Variants in SMYD3 observed in about 807,000 individuals in gnomAD.
SMYD3 encodes histone-lysine N-methyltransferase SMYD3.
Under a neutral mutation model 57.7 loss-of-function variants are expected in SMYD3, and 36 were observed. That is an observed-to-expected ratio of 0.62 (90% CI 0.48 to 0.82). The LOEUF (loss-of-function observed/expected upper bound fraction) is 0.82, where lower values mean the gene tolerates loss of function less well. Ranked by LOEUF, SMYD3 falls within the 40% of genes least tolerant of loss-of-function variation. The pLI is 0.00. For missense variants in SMYD3, 515 were observed against 538.8 expected, an observed-to-expected ratio of 0.96 and a Z score of 0.44; for synonymous variants, 211 against 195.0, an observed-to-expected ratio of 1.08 and a Z score of -0.68.
At chr1:245,772,059 C>A (rs764561645) in intron 10 of SMYD3, among the ~76,000 whole-genome samples, 4 of 152,126 alleles carry the variant, frequency 2.6e-5, no homozygotes, top group African/African-American at 9.7e-5. Context: ...AGATCAGGGC[C>A]GTGAATTCTT....
chr1:245,947,414 C>G (rs1341870529), intron 5 of SMYD3: 1 of 457,098 alleles, frequency 2.2e-6, no homozygotes, highest in African/African-American at 2.0e-5. Context: ...CCATATCCCC[C>G]CAAAACGAAC....
chr1:246,364,788 C>T (rs1444763784), intron 1 of SMYD3, among the ~76,000 whole-genome samples: 1 of 152,186 alleles, frequency 6.6e-6, no homozygotes, highest in Non-Finnish European at 1.5e-5. Flanking sequence ...ACTCCAGCAA[C>T]AAGCCAAACC....
rs28404737 is a variant in SMYD3, at chr1:245,775,733, A to T, written c.1077-11584T>A. On this transcript the variant is annotated intron_variant, in intron 10 of 11. Coordinates refer to ENST00000490107, the MANE Select transcript of SMYD3 (RefSeq NM_001167740.2). ...TAAATACTAAAAAAAAAAAAAAATA[A>T]AAAAAATAAATGGATAAATTGTAAG... 2.0e-4 allele frequency among the ~76,000 whole-genome samples: 13 copies of T among 65,844 alleles called. No homozygotes were observed. In the East Asian group the frequency reaches 0.019, roughly 94 times the overall value. 43.2% of individuals were successfully genotyped at this position (65,844 alleles called of 152,430 possible). A position where few individuals can be genotyped will look rare whatever the true frequency, so the allele number is the denominator to read the frequency against.
At chr1:245,754,645 C>G (rs2045533637) in intron 11 of SMYD3, among the ~76,000 whole-genome samples, 1 of 152,180 alleles carries the variant, frequency 6.6e-6, no homozygotes, top group East Asian at 1.9e-4. Context: ...AGCAGCACCC[C>G]TGGAGACCCC....
intron 10 of SMYD3, among the ~76,000 whole-genome samples, chr1:245,856,283 G>T (rs925167349): frequency 6.6e-6 from 1 of 152,166 alleles, no homozygotes; most frequent in Non-Finnish European, 1.5e-5. Context: ...CTCAACTACA[G>T]CTTTAAAAGC....
chr1:245,760,013 G>C (rs1158162565), intron 11 of SMYD3, among the ~76,000 whole-genome samples: 3 of 152,218 alleles, frequency 2.0e-5, no homozygotes, highest in African/African-American at 7.2e-5. Context: ...AAGTAGATTA[G>C]TGACAGGAGA....
chr1:246,195,269 T>C (rs902752970), intron 5 of SMYD3, among the ~76,000 whole-genome samples: 4 of 152,194 alleles, frequency 2.6e-5, no homozygotes, highest in Non-Finnish European at 5.9e-5. Flanking sequence ...CTAATGGTTT[T>C]AATAATGAGG....
At chr1:245,875,156 T>C (rs1320232577) in intron 8 of SMYD3, among the ~76,000 whole-genome samples, 1 of 152,242 alleles carries the variant, frequency 6.6e-6, no homozygotes, top group Non-Finnish European at 1.5e-5. Context: ...AGGACCTCTT[T>C]GTAATGTCAA....
chr1:246,247,503 C>T (rs1572274478), intron 5 of SMYD3, among the ~76,000 whole-genome samples: 1 of 144,188 alleles, frequency 6.9e-6, no homozygotes, highest in Non-Finnish European at 1.5e-5. Flanking sequence ...ACATGGGACT[C>T]ATATATATAT....
At chr1:245,959,843 G>C (rs984524982) in intron 5 of SMYD3, among the ~76,000 whole-genome samples, 1 of 152,046 alleles carries the variant, frequency 6.6e-6, no homozygotes, top group Non-Finnish European at 1.5e-5. Flanking sequence ...TGGTAGTGCC[G>C]TCACAGCTCA....
chr1:246,106,862 A>C (rs2061132649), intron 5 of SMYD3, among the ~76,000 whole-genome samples: 1 of 152,188 alleles, frequency 6.6e-6, no homozygotes, highest in Admixed American at 6.5e-5. Flanking sequence ...TGAACTACTA[A>C]GGGACTTGTA....
intron 7 of SMYD3, among the ~76,000 whole-genome samples, chr1:245,919,447 C>T (rs1006621701): frequency 1.3e-5 from 2 of 152,176 alleles, no homozygotes; most frequent in Non-Finnish European, 2.9e-5. Flanking sequence ...GCCTCTCATC[C>T]TCCAAGCTTG....
intron 10 of SMYD3, among the ~76,000 whole-genome samples, chr1:245,788,225 C>G (rs865969341): frequency 6.6e-6 from 1 of 151,086 alleles, no homozygotes; most frequent in African/African-American, 2.4e-5. Flanking sequence ...GGGAACAGGG[C>G]AAGGAGAATG....
intron 5 of SMYD3, among the ~76,000 whole-genome samples, chr1:245,997,746 A>G (rs544926748): frequency 5.3e-5 from 8 of 152,216 alleles, no homozygotes; most frequent in Non-Finnish European, 1.5e-5. Flanking sequence ...AACAAGACAC[A>G]GTCACGGCAG....
intron 5 of SMYD3, among the ~76,000 whole-genome samples, chr1:246,311,682 C>T (rs1016063120): frequency 2.0e-5 from 3 of 152,244 alleles, no homozygotes; most frequent in African/African-American, 7.2e-5. Flanking sequence ...CACGCACACA[C>T]ACCCCAGCCA....
At chr1:246,107,021 C>T (rs188995182) in intron 5 of SMYD3, among the ~76,000 whole-genome samples, 6 of 152,086 alleles carry the variant, frequency 3.9e-5, no homozygotes, top group African/African-American at 1.4e-4. Flanking sequence ...TTTTGAAGGC[C>T]GGGCACGGTG....
At chr1:246,475,896 T>C (rs2068024901) in intron 1 of SMYD3, among the ~76,000 whole-genome samples, 1 of 152,172 alleles carries the variant, frequency 6.6e-6, no homozygotes, top group Non-Finnish European at 1.5e-5. Context: ...ATTACAGGCG[T>C]GAGCCACCAC....
chr1:245,888,127 T>C (rs923707878), intron 8 of SMYD3, among the ~76,000 whole-genome samples: 1 of 152,212 alleles, frequency 6.6e-6, no homozygotes, highest in East Asian at 1.9e-4. Flanking sequence ...TGCTTCAGTC[T>C]CTTCTTACAT....
At position 246,150,874 on chromosome 1, in the gene SMYD3, A is replaced by G. The variant is rs111297605; in HGVS notation, c.531+176327T>C. ...CTTAAACATCATGCCCCAGCTTACCATCCTAAAAGAGATGGAGGAAGGCTT... is the reference window on the plus strand; with the variant it reads ...CTTAAACATCATGCCCCAGCTTACCGTCCTAAAAGAGATGGAGGAAGGCTT... On this transcript the variant is annotated intron_variant, in intron 5 of 11. Coordinates refer to ENST00000490107, the MANE Select transcript of SMYD3 (RefSeq NM_001167740.2). Among the ~76,000 whole-genome samples, 239 of 152,296 alleles carry G rather than the reference A, an allele frequency of 1.6e-3. 1 individual carries two copies. The highest frequency in any genetic ancestry group is 5.3e-3 in the African/African-American group (221 of 41,570).
Sources: gnomAD v4.1 joint callset for allele counts (sites outside exome capture counted in the v4.1 genomes callset) on GRCh38, gnomAD v4.1.1 for gene constraint, MANE v1.5 for transcripts, NCBI Gene and HGNC (gene_info 2026-07-23, HGNC 2026-07-21) for gene names.